NLGN1: variants seen among roughly 807,000 people sequenced by gnomAD.
The protein encoded by NLGN1 is neuroligin-1.
Under a neutral mutation model 65.5 loss-of-function variants are expected in NLGN1, and 12 were observed. The ratio of observed to expected loss-of-function variants is 0.18; its 90% CI spans 0.12 to 0.30. NLGN1 has a LOEUF of 0.30. NLGN1 is among the 10% of genes least tolerant of loss of function. NLGN1 has a pLI of 1.00. For missense variants in NLGN1, 750 were observed against 1,007.1 expected, an observed-to-expected ratio of 0.74 and a Z score of 3.46; for synonymous variants, 350 against 359.5, an observed-to-expected ratio of 0.97 and a Z score of 0.30.
At chr3:173,917,716 A>G (rs1741022075) in intron 4 of NLGN1, among the ~76,000 whole-genome samples, 2 of 152,188 alleles carry the variant, frequency 1.3e-5, no homozygotes, top group Non-Finnish European at 2.9e-5. Flanking sequence ...TTCTGGAGAA[A>G]TTAGCCATCA....
chr3:174,138,773 A>G (rs1721725016), intron 4 of NLGN1, among the ~76,000 whole-genome samples: 1 of 152,118 alleles, frequency 6.6e-6, no homozygotes, highest in Non-Finnish European at 1.5e-5. Context: ...GCACAGCTGC[A>G]TAATTCTAGG....
chr3:174,265,808 G>A (rs79045724), intron 4 of NLGN1, among the ~76,000 whole-genome samples: 2 of 140,794 alleles, frequency 1.4e-5, no homozygotes, highest in Non-Finnish European at 3.0e-5. Context: ...TATAGCCAAA[G>A]TATTTTTATA....
At chr3:174,219,601 A>G (rs1738258994) in intron 4 of NLGN1, among the ~76,000 whole-genome samples, 1 of 152,130 alleles carries the variant, frequency 6.6e-6, no homozygotes, top group Non-Finnish European at 1.5e-5. Context: ...TTAAGTGTAA[A>G]CTGCTTAGTA....
At chr3:173,685,278 C>T (rs1056106913) in intron 3 of NLGN1, among the ~76,000 whole-genome samples, 1 of 152,004 alleles carries the variant, frequency 6.6e-6, no homozygotes, top group Non-Finnish European at 1.5e-5. Context: ...CATTAGAAGC[C>T]CTGTGGACAA....
At chr3:173,909,464 A>G (rs1211522165) in intron 4 of NLGN1, among the ~76,000 whole-genome samples, 1 of 152,184 alleles carries the variant, frequency 6.6e-6, no homozygotes, top group Non-Finnish European at 1.5e-5. Flanking sequence ...GCACAGTCAC[A>G]GTCCCTGGTG....
chr3:174,200,088 A>T (rs1734159069), intron 4 of NLGN1, among the ~76,000 whole-genome samples: 1 of 152,130 alleles, frequency 6.6e-6, no homozygotes, highest in African/African-American at 2.4e-5. Context: ...ATAATAATGG[A>T]CCAGGAACCC....
intron 4 of NLGN1, among the ~76,000 whole-genome samples, chr3:174,007,403 A>G (rs1009523333): frequency 5.3e-5 from 8 of 152,146 alleles, no homozygotes; most frequent in Non-Finnish European, 1.0e-4. Flanking sequence ...TGTGCTTTCA[A>G]TCACACCTTT....
intron 1 of NLGN1, among the ~76,000 whole-genome samples, chr3:173,415,941 A>AGCGCGCGC (rs148689348): frequency 4.3e-4 from 60 of 138,448 alleles, no homozygotes; most frequent in African/African-American, 1.6e-3. Context: ...AGAGAGAGAG[A>AGCGCGCGC]GAGCTTGGTA....
At chr3:173,714,794 G>A (rs984465966) in intron 3 of NLGN1, among the ~76,000 whole-genome samples, 1 of 152,034 alleles carries the variant, frequency 6.6e-6, no homozygotes, top group African/African-American at 2.4e-5. Context: ...AAAATGTATG[G>A]GTCAGATGAA....
chr3:174,068,557 C>T (rs1031908983), intron 4 of NLGN1, among the ~76,000 whole-genome samples: 1 of 152,062 alleles, frequency 6.6e-6, no homozygotes, highest in African/African-American at 2.4e-5. Flanking sequence ...ATGTACTTGA[C>T]CTGAACCTAA....
intron 4 of NLGN1, chr3:173,920,775 G>C (rs950789233): frequency 6.6e-6 from 1 of 152,004 alleles, no homozygotes; most frequent in Admixed American, 6.6e-5. Context: ...CTGTCAATCA[G>C]AACTTTTCAG....
chr3:173,583,431 A>G (rs1383049997), intron 2 of NLGN1, among the ~76,000 whole-genome samples: 1 of 152,248 alleles, frequency 6.6e-6, no homozygotes, highest in Non-Finnish European at 1.5e-5. Flanking sequence ...CCAAAGTCAC[A>G]TAGCCAATTA....
chr3:174,034,285 T>G (rs1463713262), intron 4 of NLGN1, among the ~76,000 whole-genome samples: 2 of 152,118 alleles, frequency 1.3e-5, no homozygotes, highest in East Asian at 3.9e-4. Flanking sequence ...TGAATTCATT[T>G]TCAGCAGACA....
intron 4 of NLGN1, among the ~76,000 whole-genome samples, chr3:174,240,532 T>G (rs1433604553): frequency 6.6e-6 from 1 of 152,032 alleles, no homozygotes; most frequent in Non-Finnish European, 1.5e-5. Flanking sequence ...ACAGGCCAGA[T>G]AGGAAAAAAG....
intron 4 of NLGN1, among the ~76,000 whole-genome samples, chr3:174,228,228 C>T (rs1440747921): frequency 6.6e-6 from 1 of 151,990 alleles, no homozygotes; most frequent in Non-Finnish European, 1.5e-5. Context: ...TACAAATAAA[C>T]AACCTTGTTA....
intron 1 of NLGN1, among the ~76,000 whole-genome samples, chr3:173,406,217 C>A (rs1048686209): frequency 6.6e-6 from 1 of 151,726 alleles, no homozygotes; most frequent in Non-Finnish European, 1.5e-5. Flanking sequence ...AAATAAATCA[C>A]AGCCAAATAG....
chr3:173,818,896 T>TTTTTTTTTTTTTTTTTTTG, intron 4 of NLGN1, among the ~76,000 whole-genome samples: 1 of 33,496 alleles, frequency 3.0e-5, no homozygotes, highest in African/African-American at 1.3e-4. Context: ...TGAATAGTTC[T>TTTTTTTTTTTTTTTTTTTG]TTTTTTTTTT....
chr3:173,933,992 A>T lies in NLGN1; in HGVS notation c.646+126160A>T, dbSNP rs143421202. ...AAATATTCCTCTCATTGAAGGAGAA[A>T]TGTTTCAACACCTAAATGATACACA... On this transcript the variant is annotated intron_variant, in intron 4 of 6. Coordinates refer to ENST00000457714, the Ensembl canonical transcript of NLGN1. Among the ~76,000 whole-genome samples the T allele has an allele frequency of 8.1e-3, 1,238 of 151,952 alleles. 22 individuals are homozygous for T. Among genetic ancestry groups the T allele is most frequent in the African/African-American group, 0.028 (1,181 of 41,528 alleles).
intron 4 of NLGN1, among the ~76,000 whole-genome samples, chr3:174,137,832 A>G (rs995765749): frequency 1.3e-5 from 2 of 152,164 alleles, no homozygotes; most frequent in Non-Finnish European, 2.9e-5. Context: ...GGGCATTACT[A>G]TCTATTCCAG....
Sources: allele counts gnomAD v4.1 joint callset (sites outside exome capture counted in the v4.1 genomes callset), GRCh38; gene constraint gnomAD v4.1.1; transcripts MANE v1.5; gene names NCBI Gene and HGNC (gene_info 2026-07-23, HGNC 2026-07-21).